The following ZNF592 variants were observed in gnomAD, a reference collection of about 807,000 sequenced individuals.
ZNF592 encodes the protein spinocerebellar ataxia, autosomal recessive 5.
ZNF592 carries 11 observed loss-of-function variants against 80.3 expected under a neutral mutation model. The ratio of observed to expected loss-of-function variants is 0.14; its 90% CI spans 0.09 to 0.23. ZNF592 has a LOEUF of 0.23. Ranked by LOEUF, ZNF592 falls within the 10% of genes least tolerant of loss-of-function variation. The pLI is 1.00. For synonymous variants in ZNF592, 646 were observed against 640.3 expected (o/e 1.01, Z -0.13); for missense variants, 1,420 against 1,633.9 (o/e 0.87, Z 2.26).
intron 2 of ZNF592, among the ~76,000 whole-genome samples, chr15:84,770,985 C>A (rs1297110480): frequency 6.6e-6 from 1 of 151,988 alleles, no homozygotes; most frequent in African/African-American, 2.4e-5. Flanking sequence ...GAGAAGCTGC[C>A]TTTGGGTGAA....
intron 4 of ZNF592, among the ~76,000 whole-genome samples, chr15:84,790,299 G>T (rs551536508): frequency 1.2e-4 from 18 of 152,280 alleles, no homozygotes; most frequent in Admixed American, 5.9e-4. Flanking sequence ...GTTGGGGGTA[G>T]ATGGCAAGAA....
chr15:84,771,745 C>T (rs1596115045), intron 2 of ZNF592, among the ~76,000 whole-genome samples: 1 of 152,088 alleles, frequency 6.6e-6, no homozygotes, highest in Middle Eastern at 3.4e-3. Context: ...ATTTTTTTTG[C>T]CACTGGCTTG....
At chr15:84,777,763 G>C (rs1444369166) in intron 2 of ZNF592, among the ~76,000 whole-genome samples, 3 of 132,552 alleles carry the variant, frequency 2.3e-5, no homozygotes, top group African/African-American at 8.6e-5. Context: ...GCGGTGGCAC[G>C]ATCTCAGCTC....
intron 2 of ZNF592, among the ~76,000 whole-genome samples, chr15:84,771,881 G>A (rs1018145899): frequency 6.6e-6 from 1 of 152,052 alleles, no homozygotes; most frequent in Non-Finnish European, 1.5e-5. Flanking sequence ...AGATATATAC[G>A]CCATGGAGTC....
chr15:84,766,313 C>T (rs979341500), intron 2 of ZNF592, among the ~76,000 whole-genome samples: 1 of 152,156 alleles, frequency 6.6e-6, no homozygotes, highest in Non-Finnish European at 1.5e-5. Flanking sequence ...CTTAATAGTC[C>T]ATTTGTCTAA....
chr15:84,765,096 T>TG (rs1390350694), intron 2 of ZNF592, among the ~76,000 whole-genome samples: 1 of 152,182 alleles, frequency 6.6e-6, no homozygotes, highest in Admixed American at 6.5e-5. Context: ...TGCTAACCCC[T>TG]GGCAACCAAT....
At chr15:84,787,811 G>T (rs1335122628) in intron 4 of ZNF592, among the ~76,000 whole-genome samples, 1 of 152,190 alleles carries the variant, frequency 6.6e-6, no homozygotes, top group Non-Finnish European at 1.5e-5. Context: ...TTTTGAGTCA[G>T]GATCTGAACA....
intron 2 of ZNF592, among the ~76,000 whole-genome samples, chr15:84,771,153 C>T (rs1899690042): frequency 6.6e-6 from 1 of 152,016 alleles, no homozygotes; most frequent in African/African-American, 2.4e-5. Context: ...AGACATGACC[C>T]CCACACAGGA....
Position 84,800,000 on chromosome 15 carries a change from T to C in ZNF592, c.3273+23T>C, listed in dbSNP as rs1312023982. 6.2e-7 allele frequency: 1 copy of C among 1,614,104 alleles called. No individual in the cohort carries two copies. Among genetic ancestry groups the C allele is most frequent in the South Asian group, 1.1e-5 (1 of 91,076 alleles). ...CAGGTGAGTGTGGGCTCCCTGCCTA[T>C]TGGAGCTGGCTGCTCAGTGAGGCTT... On this transcript the variant is annotated intron_variant, in intron 10 of 10. Coordinates refer to ENST00000560079, the MANE Select transcript of ZNF592 (RefSeq NM_014630.3). The surrounding 1 kb of genome is among the most constrained non-coding windows in gnomAD (Gnocchi z 4.2).
Position 84,802,045 on chromosome 15 carries a change from A to G in ZNF592, c.3456A>G (p.Thr1152=). 1.2e-6 allele frequency: 2 copies of G among 1,613,910 alleles called. No individual in the cohort carries two copies. Among genetic ancestry groups the G allele is most frequent in the Non-Finnish European group, 1.7e-6 (2 of 1,179,872 alleles). The stretch of plus-strand genomic sequence containing the variant: ...CTCAGCACCAGGTGGACAGCTCCAC[A>G]GCCCAATGTCTCCTCTGTGGTTTGT... ...HIPQHQVDSS[T]AQCLLCGLCY... The change falls in exon 11 of 11, where the codon ACA becomes ACG. Residue 1152 remains threonine, a synonymous_variant. Transcript: ENST00000560079.
chr15:84,805,098 C>G lies in ZNF592; in HGVS notation c.*2705C>G, dbSNP rs866677442. The G allele has an allele frequency of 1.3e-5, 2 of 152,184 alleles. No individual in the cohort carries two copies. Among genetic ancestry groups the G allele is most frequent in the Non-Finnish European group, 2.9e-5 (2 of 68,028 alleles). The allele number at this position is 152,184 out of a possible 1,614,324, so 9.4% of individuals were successfully genotyped here. On this transcript the variant is annotated 3_prime_UTR_variant, in exon 11 of 11. Coordinates refer to ENST00000560079, the MANE Select transcript of ZNF592 (RefSeq NM_014630.3). ...TTCCCATGCAGTTGGGGTGCCCTGC[C>G]AAGTGCCAGGTTCTCTTTGGAGTCC...
intron 3 of ZNF592, among the ~76,000 whole-genome samples, chr15:84,779,792 GCTTTA>G (rs1962366685): frequency 6.6e-6 from 1 of 152,042 alleles, no homozygotes; most frequent in African/African-American, 2.4e-5. Flanking sequence ...TATGAGGAGA[GCTTTA>G]CTTCTGATCT....
At chr15:84,774,564 A>G (rs1962186378) in intron 2 of ZNF592, among the ~76,000 whole-genome samples, 1 of 152,210 alleles carries the variant, frequency 6.6e-6, no homozygotes, top group Non-Finnish European at 1.5e-5. Context: ...AATGGGTTAA[A>G]AGCTCTGTTT....
At chr15:84,757,622 G>A (rs1241047035) in intron 1 of ZNF592, among the ~76,000 whole-genome samples, 1 of 150,242 alleles carries the variant, frequency 6.7e-6, no homozygotes, top group Non-Finnish European at 1.5e-5. Context: ...CCAAAATGTG[G>A]GATTACAGGT....
intron 5 of ZNF592, among the ~76,000 whole-genome samples, chr15:84,791,316 TA>T (rs1222893099): frequency 6.6e-6 from 1 of 152,232 alleles, no homozygotes; most frequent in African/African-American, 2.4e-5. Context: ...AGGGCTTTAG[TA>T]TCTTTCTTTT....
At chr15:84,786,841 C>CTTTTTTTTT (rs35391255) in intron 4 of ZNF592, among the ~76,000 whole-genome samples, 10 of 70,840 alleles carry the variant, frequency 1.4e-4, no homozygotes, top group Non-Finnish European at 2.0e-4. Flanking sequence ...CCTTACGTAT[C>CTTTTTTTTT]TTTTTTTTTT....
At chr15:84,793,781 T>C (rs1962817187) in intron 5 of ZNF592, among the ~76,000 whole-genome samples, 1 of 152,236 alleles carries the variant, frequency 6.6e-6, no homozygotes, top group African/African-American at 2.4e-5. Flanking sequence ...TTATGTAATA[T>C]TATTAGCATA....
chr15:84,749,357 G>A (rs1898945527), intron 1 of ZNF592, among the ~76,000 whole-genome samples: 1 of 152,224 alleles, frequency 6.6e-6, no homozygotes, highest in Non-Finnish European at 1.5e-5. Context: ...CTGCTGGACA[G>A]ATGGCCTCCT....
Position 84,755,302 on chromosome 15 carries a change from T to A in ZNF592, c.-259+6638T>A, listed in dbSNP as rs150655293. On this transcript the variant is annotated intron_variant, in intron 1 of 10. Coordinates refer to ENST00000560079, the MANE Select transcript of ZNF592 (RefSeq NM_014630.3). ...ACTTTAAAGAAGTTTTTTTTAATTT[T>A]TTTTTATTTTTTTAAGAGATGAGGT... Among the ~76,000 whole-genome samples, 934 of 152,006 alleles carry A rather than the reference T, an allele frequency of 6.1e-3. 4 individuals are homozygous for A. The highest frequency in any genetic ancestry group is 0.021 in the African/African-American group (869 of 41,450).
Sources: gnomAD v4.1 joint callset for allele counts (sites outside exome capture counted in the v4.1 genomes callset) on GRCh38, gnomAD v4.1.1 for gene constraint, Gnocchi (gnomAD v3.1) non-coding constraint, MANE v1.5 for transcripts, NCBI Gene and HGNC (gene_info 2026-07-23, HGNC 2026-07-21) for gene names.